SENP6: variants seen among roughly 807,000 people sequenced by gnomAD.
SENP6 encodes SUMO specific peptidase 6, also known as sentrin-specific protease 6.
In SENP6, 41 loss-of-function variants were observed where a neutral mutation model predicts 134.5. The ratio of observed to expected loss-of-function variants is 0.30; its 90% CI spans 0.24 to 0.40. SENP6 has a LOEUF of 0.40. SENP6 is among the 10% of genes least tolerant of loss of function. The probability of loss-of-function intolerance (pLI) is 1.00; values close to 1 mark genes in which losing one functional copy is unlikely to be tolerated. For synonymous variants in SENP6, 395 were observed against 429.8 expected, an observed-to-expected ratio of 0.92 and a Z score of 1.00; for missense variants, 1,248 against 1,312.5, an observed-to-expected ratio of 0.95 and a Z score of 0.76.
chr6:75,619,637 A>G (rs1213276985), intron 1 of SENP6, among the ~76,000 whole-genome samples: 1 of 152,144 alleles, frequency 6.6e-6, no homozygotes, highest in Non-Finnish European at 1.5e-5. Context: ...CCTAGAAGTG[A>G]AATTGCTAGC....
At chr6:75,695,511 C>T (rs985130964) in intron 16 of SENP6, among the ~76,000 whole-genome samples, 2 of 152,124 alleles carry the variant, frequency 1.3e-5, no homozygotes, top group South Asian at 2.1e-4. Context: ...CTGAGGCGGG[C>T]GGATTACTTG....
chr6:75,625,760 G>A (rs796238671), intron 3 of SENP6, among the ~76,000 whole-genome samples: 41 of 152,222 alleles, frequency 2.7e-4, no homozygotes, highest in Middle Eastern at 3.4e-3. Context: ...TCCCAGCTAC[G>A]TGGGAGGCTG....
chr6:75,688,210 G>A (rs1248593080), intron 16 of SENP6, among the ~76,000 whole-genome samples: 1 of 152,230 alleles, frequency 6.6e-6, no homozygotes, highest in African/African-American at 2.4e-5. Context: ...GCCAGGCACG[G>A]GAGAGAATCA....
Position 75,621,601 on chromosome 6 carries a change from A to G in SENP6, c.122A>G (p.Glu41Gly), listed in dbSNP as rs770745509. The change falls in exon 2 of 24, where the codon GAA (glutamate) becomes GGA (glycine). Residue 41 changes from glutamate (E) to glycine (G), a missense_variant. Physicochemically the swap from Glu to Gly is moderately conservative, Grantham distance 98. Transcript: ENST00000447266. Reference protein sequence around the residue: ...KNNWSFDHEEESEGDTDKDGT... With the variant: ...KNNWSFDHEEGSEGDTDKDGT... ...AATTGGAGCTTTGATCATGAAGAAG[A>G]AAGTGAAGGAGATACAGATAAAGAG... 4 of 1,608,850 alleles carry G rather than the reference A, an allele frequency of 2.5e-6. No individual in the cohort carries two copies. The South Asian group carries it at 4.4e-5, about 18-fold the overall frequency.
intron 1 of SENP6, among the ~76,000 whole-genome samples, chr6:75,609,056 A>G (rs1032818572): frequency 2.0e-5 from 3 of 152,182 alleles, no homozygotes; most frequent in African/African-American, 7.2e-5. Flanking sequence ...TCCTGTTGCT[A>G]TTAGAAAAGT....
chr6:75,693,135 C>A (rs979155620), intron 16 of SENP6, among the ~76,000 whole-genome samples: 5 of 152,084 alleles, frequency 3.3e-5, no homozygotes, highest in Non-Finnish European at 4.4e-5. Flanking sequence ...CACAGTGGCT[C>A]ACGCCTATAA....
At chr6:75,630,938 C>T (rs192354454) in intron 3 of SENP6, among the ~76,000 whole-genome samples, 9 of 151,318 alleles carry the variant, frequency 5.9e-5, no homozygotes, top group African/African-American at 2.2e-4. Flanking sequence ...ATCTCTGTAC[C>T]GTATTCTGAA....
Position 75,670,634 on chromosome 6 carries a change from T to A in SENP6, c.1306T>A (p.Cys436Ser). ...ACCTCCAGATGCTTTAGCTTTAAGCTGCCAAAGTTCCTTTGACAGTGTCAT... is the reference window on the plus strand; with the variant it reads ...ACCTCCAGATGCTTTAGCTTTAAGCAGCCAAAGTTCCTTTGACAGTGTCAT... ...QEPPDALALS[C>S]QSSFDSVILN... Residue 436 changes from cysteine to serine, a missense_variant, in exon 11 of 24, where the codon TGC (cysteine) becomes AGC (serine). Transcript: ENST00000447266. 6.2e-7 allele frequency: 1 copy of A among 1,613,676 alleles called. No homozygotes were observed. The highest frequency in any genetic ancestry group is 8.5e-7 in the Non-Finnish European group (1 of 1,179,742).
intron 14 of SENP6, chr6:75,677,720 A>G (rs551629858): frequency 1.3e-5 from 2 of 154,574 alleles, no homozygotes; most frequent in Non-Finnish European, 2.9e-5. Context: ...CAAAACATGT[A>G]TCTAGTACTA....
At chr6:75,676,101 T>A in intron 13 of SENP6, 47 bp downstream of exon 13, 1 of 1,286,592 alleles carries the variant, frequency 7.8e-7, no homozygotes, top group Non-Finnish European at 1.1e-6. Context: ...AGATACTGTA[T>A]TTACAATATC....
In SENP6 at chr6:75,715,527, A is replaced by C. The variant is rs747257607; in HGVS notation, c.3272A>C (p.Asp1091Ala). 6.2e-7 allele frequency: 1 copy of C among 1,613,498 alleles called. No homozygotes were observed. The highest frequency in any genetic ancestry group is 1.7e-5 in the Admixed American group (1 of 59,992). Reference sequence around the variant, plus strand: ...AGCAAAGAGAAAAGAAAGCATAAGGACACTTACTCAACAGAAGCACCTTTA... The same window carrying C: ...AGCAAAGAGAAAAGAAAGCATAAGGCCACTTACTCAACAGAAGCACCTTTA... ...DQSKEKRKHK[D>A]TYSTEAPLGE... is the part of the protein sequence containing the mutation. Residue 1091 changes from aspartate to alanine, a missense_variant, in exon 24 of 24, where the codon GAC (aspartate) becomes GCC (alanine). Asp to Ala is a moderately radical substitution (Grantham distance 126, BLOSUM62 -2). Transcript: ENST00000447266.
intron 10 of SENP6, among the ~76,000 whole-genome samples, chr6:75,669,445 TA>T (rs909201377): frequency 3.3e-5 from 5 of 152,178 alleles, no homozygotes; most frequent in African/African-American, 1.2e-4. Context: ...ATATTTTGTT[TA>T]AAATACATTT....
intron 11 of SENP6, among the ~76,000 whole-genome samples, chr6:75,671,963 T>G (rs1042002930): frequency 6.6e-6 from 1 of 152,154 alleles, no homozygotes. Flanking sequence ...ACCCTAAGCT[T>G]CTCACAATTT....
intron 1 of SENP6, among the ~76,000 whole-genome samples, chr6:75,614,606 G>A (rs148525590): frequency 6.6e-6 from 1 of 152,138 alleles, no homozygotes; most frequent in African/African-American, 2.4e-5. Flanking sequence ...TGTGTGGAGA[G>A]ATACTTTGAA....
chr6:75,673,898 G>A lies in SENP6; in HGVS notation c.1393-1537G>A, dbSNP rs566615550. ...TAGTGGGGTGTGGTGGCGTGCACCCGTAACCCCAGCTACTAGGGAGGCTGA... is the reference window on the plus strand; with the variant it reads ...TAGTGGGGTGTGGTGGCGTGCACCCATAACCCCAGCTACTAGGGAGGCTGA... On this transcript the variant is annotated intron_variant, in intron 11 of 23. Transcript: ENST00000447266. 1.6e-4 allele frequency among the ~76,000 whole-genome samples: 25 copies of A among 151,818 alleles called. No individual in the cohort carries two copies. In the East Asian group the frequency reaches 2.0e-3, roughly 12 times the overall value.
intron 8 of SENP6, among the ~76,000 whole-genome samples, chr6:75,660,904 T>G (rs183495815): frequency 1.3e-5 from 2 of 152,160 alleles, no homozygotes; most frequent in African/African-American, 4.8e-5. Flanking sequence ...GTGCTGGGAT[T>G]ACAGGCGTGA....
chr6:75,685,854 A>T (rs900128736), intron 16 of SENP6, among the ~76,000 whole-genome samples: 39 of 152,190 alleles, frequency 2.6e-4, no homozygotes, highest in African/African-American at 9.4e-4. Context: ...TGTGGTGCTG[A>T]GAAGAATGTA....
At chr6:75,640,465 G>T (rs1480928940) in intron 5 of SENP6, among the ~76,000 whole-genome samples, 1 of 138,528 alleles carries the variant, frequency 7.2e-6, no homozygotes, top group African/African-American at 2.5e-5. Context: ...TTATATTTTT[G>T]TGTATTCATC....
intron 3 of SENP6, among the ~76,000 whole-genome samples, chr6:75,626,527 G>A (rs1257852314): frequency 6.6e-6 from 1 of 152,034 alleles, no homozygotes; most frequent in Non-Finnish European, 1.5e-5. Context: ...TAGATATTCA[G>A]TTTGTCCCTA....
Sources: gnomAD v4.1 joint callset for allele counts (sites outside exome capture counted in the v4.1 genomes callset) on GRCh38, gnomAD v4.1.1 for gene constraint, MANE v1.5 for transcripts, NCBI Gene and HGNC (gene_info 2026-07-23, HGNC 2026-07-21) for gene names.